CCDC3: variants seen among roughly 807,000 people sequenced by gnomAD.
The protein encoded by CCDC3 is coiled-coil domain-containing protein 3.
In CCDC3, 24 loss-of-function variants were observed where a neutral mutation model predicts 21.4. The ratio of observed to expected loss-of-function variants is 1.12; its 90% CI spans 0.81 to 1.58. The LOEUF is 1.58. CCDC3 is among the 40% of genes most tolerant of loss of function. CCDC3 has a pLI of 0.00. For missense variants in CCDC3, 425 were observed against 360.9 expected (o/e 1.18, Z -1.44); for synonymous variants, 186 against 166.0 (o/e 1.12, Z -0.93).
At chr10:12,971,911 A>T (rs1186787743) in intron 2 of CCDC3, among the ~76,000 whole-genome samples, 2 of 151,228 alleles carry the variant, frequency 1.3e-5, no homozygotes, top group Non-Finnish European at 2.9e-5. Context: ...CTGGTCTCAA[A>T]CTCCTGACCT....
chr10:13,071,345 C>T (rs1422097153), intron 4 of CCDC3, among the ~76,000 whole-genome samples: 1 of 152,148 alleles, frequency 6.6e-6, no homozygotes, highest in Non-Finnish European at 1.5e-5. Flanking sequence ...CAAACTTCAG[C>T]TCAAAGCCCT....
At chr10:12,937,559 CTCAATTGA>C (rs1834759918) in intron 2 of CCDC3, among the ~76,000 whole-genome samples, 1 of 152,120 alleles carries the variant, frequency 6.6e-6, no homozygotes, top group African/African-American at 2.4e-5. Context: ...ACCTCCTGGG[CTCAATTGA>C]TCCTCCCATC....
chr10:12,933,603 T>C (rs909407142), intron 2 of CCDC3, among the ~76,000 whole-genome samples: 6 of 151,880 alleles, frequency 4.0e-5, no homozygotes, highest in Admixed American at 2.6e-4. Flanking sequence ...CTTACAGACA[T>C]GCACAACCAC....
intron 2 of CCDC3, among the ~76,000 whole-genome samples, chr10:12,936,162 G>T (rs1037246556): frequency 2.6e-5 from 4 of 152,118 alleles, no homozygotes; most frequent in Non-Finnish European, 4.4e-5. Context: ...TTTACGGTCC[G>T]ACGGTAATCT....
intron 2 of CCDC3, among the ~76,000 whole-genome samples, chr10:12,925,773 T>G (rs1834527708): frequency 6.6e-6 from 1 of 152,224 alleles, no homozygotes; most frequent in Non-Finnish European, 1.5e-5. Context: ...CATTACATTT[T>G]CCCCAAAACA....
At chr10:13,039,280 G>A (rs1836418445) in intron 5 of CCDC3, among the ~76,000 whole-genome samples, 1 of 152,082 alleles carries the variant, frequency 6.6e-6, no homozygotes, top group Admixed American at 6.6e-5. Flanking sequence ...AAAAATAGCT[G>A]GGTGTGGTGG....
chr10:12,920,654 A>C (rs1005062486), intron 2 of CCDC3, among the ~76,000 whole-genome samples: 1 of 152,244 alleles, frequency 6.6e-6, no homozygotes, highest in African/African-American at 2.4e-5. Flanking sequence ...AAATGTTACT[A>C]ATACCAGGCA....
intron 2 of CCDC3, among the ~76,000 whole-genome samples, chr10:12,936,769 C>G (rs184735659): frequency 2.1e-4 from 32 of 152,240 alleles, no homozygotes; most frequent in Admixed American, 1.2e-3. Context: ...AACTATTAGC[C>G]AGATATGGTG....
chr10:12,943,313 C>T (rs1388904424), intron 2 of CCDC3, among the ~76,000 whole-genome samples: 1 of 152,076 alleles, frequency 6.6e-6, no homozygotes, highest in Non-Finnish European at 1.5e-5. Context: ...CCATCTTGGC[C>T]AAGGGAACCC....
rs529283746 is a variant in CCDC3, at chr10:13,063,488, G to A, written c.-270+10380C>T. Among the ~76,000 whole-genome samples, 6 of 152,280 alleles carry A rather than the reference G, an allele frequency of 3.9e-5. No homozygotes were observed. In the East Asian group the frequency reaches 5.8e-4, roughly 15 times the overall value. ...ACCTTCTCTAGGGGCAGATAGGAAT[G>A]CTTTATGTGTGTAGATGTTTATGGA... On this transcript the variant is annotated intron_variant, in intron 4 of 6. Coordinates refer to the CCDC3 transcript ENST00000378839.
At position 12,906,509 on chromosome 10, in the gene CCDC3, G is replaced by GT. The variant is rs1834174737; in HGVS notation, c.550-7831dup. ...CTTCCTGATGCTGCCGGGGGAGGAGGTAGCCGGGCAGTGTGGGTAGGAAGG... is the reference window on the plus strand; with the variant it reads ...CTTCCTGATGCTGCCGGGGGAGGAGGTTAGCCGGGCAGTGTGGGTAGGAAGG... On this transcript the variant is annotated intron_variant, in intron 2 of 2. Transcript: ENST00000378825. Among the ~76,000 whole-genome samples the GT allele has an allele frequency of 2.6e-5, 4 of 152,274 alleles. No homozygotes were observed. In the South Asian group the frequency reaches 8.3e-4, roughly 32 times the overall value.
chr10:13,043,747 G>A (rs878871373), intron 5 of CCDC3, among the ~76,000 whole-genome samples: 1 of 152,136 alleles, frequency 6.6e-6, no homozygotes, highest in Non-Finnish European at 1.5e-5. Context: ...TCTTTATCCA[G>A]TACAGCATTG....
intron 5 of CCDC3, among the ~76,000 whole-genome samples, chr10:13,032,648 A>G (rs2131412379): frequency 6.6e-6 from 1 of 152,310 alleles, no homozygotes; most frequent in Middle Eastern, 3.4e-3. Context: ...CAAAGTCTCA[A>G]GATGCAAGAT....
At chr10:13,078,098 A>C (rs1342432901) in intron 3 of CCDC3, among the ~76,000 whole-genome samples, 2 of 152,220 alleles carry the variant, frequency 1.3e-5, no homozygotes, top group Non-Finnish European at 2.9e-5. Context: ...GAAAATTTTT[A>C]CAATCTACCC....
chr10:12,910,611 A>AATTTT (rs1554753179), intron 2 of CCDC3, among the ~76,000 whole-genome samples: 2 of 105,174 alleles, frequency 1.9e-5, no homozygotes, highest in Non-Finnish European at 3.8e-5. Context: ...AAAAAAAAAA[A>AATTTT]TTTTTTTTTT....
chr10:12,981,009 G>A (rs1394209964), intron 2 of CCDC3, among the ~76,000 whole-genome samples: 1 of 152,022 alleles, frequency 6.6e-6, no homozygotes, highest in Non-Finnish European at 1.5e-5. Context: ...TCTCTCTTTG[G>A]GGGAGAGGAG....
In CCDC3 at chr10:13,079,523, G is replaced by C. The variant is rs112151779; in HGVS notation, c.-502-5423C>G. On this transcript the variant is annotated intron_variant, in intron 3 of 6. Transcript: ENST00000378839. Reference sequence around the variant, plus strand: ...GGTTGGGACACATACCAAGGCAAGAGAAACAGCAGGAGCGGTAAAGCATTC... The same window carrying C: ...GGTTGGGACACATACCAAGGCAAGACAAACAGCAGGAGCGGTAAAGCATTC... Among the ~76,000 whole-genome samples the C allele has an allele frequency of 3.9e-3, 586 of 151,780 alleles. 3 individuals are homozygous for C. The highest frequency in any genetic ancestry group is 0.013 in the African/African-American group (548 of 41,400).
At chr10:12,987,697 T>C (rs1835616888) in intron 2 of CCDC3, among the ~76,000 whole-genome samples, 1 of 152,196 alleles carries the variant, frequency 6.6e-6, no homozygotes, top group African/African-American at 2.4e-5. Flanking sequence ...GGAAGTGTAA[T>C]ATTTTGCAGC....
At chr10:12,956,217 A>T (rs1228013102) in intron 2 of CCDC3, among the ~76,000 whole-genome samples, 1 of 152,196 alleles carries the variant, frequency 6.6e-6, no homozygotes, top group Non-Finnish European at 1.5e-5. Flanking sequence ...ACCCCAGCCC[A>T]AGAAGAAATG....
Sources: allele counts gnomAD v4.1 joint callset (sites outside exome capture counted in the v4.1 genomes callset), GRCh38; gene constraint gnomAD v4.1.1; transcripts MANE v1.5; gene names NCBI Gene and HGNC (gene_info 2026-07-23, HGNC 2026-07-21).